The following CDC42SE2 variants were observed in gnomAD, a reference collection of about 807,000 sequenced individuals.
CDC42SE2 encodes the protein CDC42 small effector 2, also known as CDC42 small effector protein 2.
CDC42SE2 carries 3 observed loss-of-function variants against 11.5 expected under a neutral mutation model. The observed-to-expected ratio is 0.26, with a 90% CI of 0.12 to 0.67. The LOEUF is 0.67. Among genes scored for constraint, CDC42SE2 ranks in the 30% least tolerant of loss-of-function variants. The probability of loss-of-function intolerance (pLI) is 0.80; values close to 1 mark genes in which losing one functional copy is unlikely to be tolerated. For synonymous variants in CDC42SE2, 33 were observed against 34.8 expected, an observed-to-expected ratio of 0.95 and a Z score of 0.18; for missense variants, 82 against 106.8, an observed-to-expected ratio of 0.77 and a Z score of 1.02.
chr5:131,274,091 A>G (rs910805403), intron 1 of CDC42SE2, among the ~76,000 whole-genome samples: 3 of 152,224 alleles, frequency 2.0e-5, no homozygotes, highest in African/African-American at 7.2e-5. Flanking sequence ...ATTTCAAACT[A>G]AAAATGTTAT....
intron 2 of CDC42SE2, among the ~76,000 whole-genome samples, chr5:131,345,847 A>G (rs552246947): frequency 5.3e-5 from 8 of 152,330 alleles, no homozygotes; most frequent in African/African-American, 1.7e-4. Context: ...CCAATATTCA[A>G]CATTCTTAAA....
At chr5:131,239,679 G>A in the CDC42SE2 span, among the ~76,000 whole-genome samples, 1 of 152,228 alleles carries the variant, frequency 6.6e-6, no homozygotes, top group South Asian at 2.1e-4. Flanking sequence ...GGCACCCTAG[G>A]TATTTTTCAC....
intron 1 of CDC42SE2, among the ~76,000 whole-genome samples, chr5:131,296,673 T>C (rs1230581718): frequency 6.6e-6 from 1 of 152,198 alleles, no homozygotes; most frequent in Non-Finnish European, 1.5e-5. Context: ...TTTTAACTAG[T>C]AACATCTGCA....
chr5:131,341,557 G>A (rs944550806), intron 2 of CDC42SE2, among the ~76,000 whole-genome samples: 2 of 152,158 alleles, frequency 1.3e-5, no homozygotes, highest in African/African-American at 4.8e-5. Context: ...GATGAGAAGA[G>A]GAAGACATGA....
At position 131,286,385 on chromosome 5, in the gene CDC42SE2, GTTTTTT is replaced by G. The variant is rs33983324; in HGVS notation, c.-455+22237_-455+22242del. Among the ~76,000 whole-genome samples, 446 of 115,072 alleles carry G rather than the reference GTTTTTT, an allele frequency of 3.9e-3. 2 individuals carry two copies. The highest frequency in any genetic ancestry group is 0.014 in the African/African-American group (401 of 29,076). 75.5% of individuals were successfully genotyped at this position (115,072 alleles called of 152,430 possible). The stretch of plus-strand genomic sequence containing the variant: ...AGGCATGAGCAAATGCACCTGGCCA[GTTTTTT>G]TTTTTTTTTTTTTTTTTAAATAAAG... On this transcript the variant is annotated intron_variant, in intron 1 of 4. Coordinates refer to ENST00000505065, the MANE Select transcript of CDC42SE2 (RefSeq NM_001375635.1).
At chr5:131,378,911 C>CTGAA (rs1440141641) in intron 3 of CDC42SE2, among the ~76,000 whole-genome samples, 1 of 152,182 alleles carries the variant, frequency 6.6e-6, no homozygotes, top group Non-Finnish European at 1.5e-5. Context: ...TACAAATTAT[C>CTGAA]TGAAGCTGGT....
At chr5:131,233,251 A>G in the CDC42SE2 span, among the ~76,000 whole-genome samples, 3 of 152,130 alleles carry the variant, frequency 2.0e-5, no homozygotes. Flanking sequence ...TTATATAAAT[A>G]TTTATGATAA....
At chr5:131,356,938 G>T (rs555308957) in intron 2 of CDC42SE2, among the ~76,000 whole-genome samples, 3 of 152,054 alleles carry the variant, frequency 2.0e-5, no homozygotes, top group Non-Finnish European at 4.4e-5. Context: ...TTTCACAAAG[G>T]CTTCTTAATG....
intron 1 of CDC42SE2, among the ~76,000 whole-genome samples, chr5:131,287,287 G>A (rs930579956): frequency 5.9e-5 from 9 of 151,904 alleles, no homozygotes; most frequent in African/African-American, 7.3e-5. Context: ...GAGTCACCTC[G>A]CCCGGCCTTG....
the CDC42SE2 span, among the ~76,000 whole-genome samples, chr5:131,222,356 G>A: frequency 1.3e-5 from 2 of 152,136 alleles, no homozygotes; most frequent in Admixed American, 1.3e-4. Context: ...GACTGCCTGG[G>A]CTGACCCCCA....
intron 2 of CDC42SE2, among the ~76,000 whole-genome samples, chr5:131,337,520 G>A (rs940475342): frequency 3.3e-5 from 5 of 152,242 alleles, no homozygotes; most frequent in Admixed American, 6.5e-5. Context: ...ATTTAAGTCT[G>A]CAGAGGTTAT....
intron 1 of CDC42SE2, among the ~76,000 whole-genome samples, chr5:131,310,691 C>T (rs972969516): frequency 6.6e-6 from 1 of 152,122 alleles, no homozygotes; most frequent in Admixed American, 6.6e-5. Flanking sequence ...GATCCCTTTA[C>T]CATTATGTAA....
intron 1 of CDC42SE2, among the ~76,000 whole-genome samples, chr5:131,302,766 A>T (rs1163633773): frequency 6.6e-6 from 1 of 151,708 alleles, no homozygotes; most frequent in Non-Finnish European, 1.5e-5. Flanking sequence ...ATTATTTACA[A>T]AGTGGTTGTA....
chr5:131,320,794 A>C (rs750950633), intron 2 of CDC42SE2, among the ~76,000 whole-genome samples: 1 of 152,218 alleles, frequency 6.6e-6, no homozygotes, highest in Non-Finnish European at 1.5e-5. Context: ...ATTCTGGTAG[A>C]TAGATCAGTG....
intron 1 of CDC42SE2, among the ~76,000 whole-genome samples, chr5:131,275,879 C>CA (rs1191850900): frequency 1.1e-3 from 153 of 141,966 alleles, no homozygotes; most frequent in African/African-American, 2.7e-3. Context: ...ACTCTCCTTT[C>CA]AAAAAAAAAA....
At chr5:131,281,951 C>T (rs1212701674) in intron 1 of CDC42SE2, among the ~76,000 whole-genome samples, 2 of 152,148 alleles carry the variant, frequency 1.3e-5, no homozygotes, top group East Asian at 3.8e-4. Flanking sequence ...TGTTTAATTT[C>T]CTTTCAACAA....
chr5:131,279,903 T>C (rs1335888874), intron 1 of CDC42SE2, among the ~76,000 whole-genome samples: 1 of 151,958 alleles, frequency 6.6e-6, no homozygotes, highest in Non-Finnish European at 1.5e-5. Context: ...TGAAACCCTA[T>C]CTCTATAAAA....
chr5:131,356,550 T>C (rs1327285923), intron 2 of CDC42SE2, among the ~76,000 whole-genome samples: 1 of 152,216 alleles, frequency 6.6e-6, no homozygotes, highest in African/African-American at 2.4e-5. Context: ...ATCCATGGAA[T>C]TGCAAACATC....
chr5:131,279,393 C>G (rs1284322272), intron 1 of CDC42SE2, among the ~76,000 whole-genome samples: 1 of 151,710 alleles, frequency 6.6e-6, no homozygotes, highest in Non-Finnish European at 1.5e-5. Flanking sequence ...AAAGGCGTTA[C>G]TTTTCTGGTC....
Sources: gnomAD v4.1 joint callset for allele counts (sites outside exome capture counted in the v4.1 genomes callset) on GRCh38, gnomAD v4.1.1 for gene constraint, MANE v1.5 for transcripts, NCBI Gene and HGNC (gene_info 2026-07-23, HGNC 2026-07-21) for gene names.